SPTBN1: variants seen among roughly 807,000 people sequenced by gnomAD.
SPTBN1 encodes the protein spectrin beta, non-erythrocytic 1.
A neutral mutation model predicts 266.4 loss-of-function variants in SPTBN1; 32 were observed. That is an observed-to-expected ratio of 0.12 (90% CI 0.09 to 0.16). The LOEUF (loss-of-function observed/expected upper bound fraction) is 0.16. Among genes scored for constraint, SPTBN1 ranks in the 10% least tolerant of loss-of-function variants. The pLI is 1.00. For synonymous variants in SPTBN1, 1,336 were observed against 1,162.2 expected (o/e 1.15, Z -3.04); for missense variants, 2,296 against 3,067.1 (o/e 0.75, Z 5.94).
Position 54,554,422 on chromosome 2 carries a change from T to C in SPTBN1, c.148+27856T>C, listed in dbSNP as rs1202500082. Reference sequence around the variant, plus strand: ...CTTGAGAAAATATATGTGGAAGCATTCTGTAAGCTACCAAGTGTGATGGTT... The same window carrying C: ...CTTGAGAAAATATATGTGGAAGCATCCTGTAAGCTACCAAGTGTGATGGTT... On this transcript the variant is annotated intron_variant, in intron 2 of 35. Coordinates refer to ENST00000356805, the MANE Select transcript of SPTBN1 (RefSeq NM_003128.3). The surrounding 1 kb of genome is among the most constrained non-coding windows in gnomAD (Gnocchi z 4.5). Among the ~76,000 whole-genome samples the C allele has an allele frequency of 6.6e-6, 1 of 152,194 alleles. No homozygotes were observed. The highest frequency in any genetic ancestry group is 2.4e-5 in the African/African-American group (1 of 41,438).
intron 2 of SPTBN1, among the ~76,000 whole-genome samples, chr2:54,538,748 T>C (rs2104387467): frequency 6.6e-6 from 1 of 152,296 alleles, no homozygotes; most frequent in African/African-American, 2.4e-5. Context: ...ATTTTGCCAT[T>C]CAGGTTTAAA....
At chr2:54,660,509 C>G (rs1233807357) in intron 32 of SPTBN1, 1 of 986,544 alleles carries the variant, frequency 1.0e-6, no homozygotes, top group African/African-American at 1.7e-5. Flanking sequence ...ACTAGGAAGA[C>G]TGGTGTATGA....
chr2:54,606,053 G>T (rs1676819198), intron 3 of SPTBN1, among the ~76,000 whole-genome samples: 1 of 152,204 alleles, frequency 6.6e-6, no homozygotes, highest in Non-Finnish European at 1.5e-5. Context: ...GAGATTTGTA[G>T]AGAGAGAATA....
chr2:54,603,105 C>T (rs1202013666), intron 3 of SPTBN1, among the ~76,000 whole-genome samples: 3 of 152,104 alleles, frequency 2.0e-5, no homozygotes, highest in Non-Finnish European at 2.9e-5. Flanking sequence ...GCCCCAGAGC[C>T]CTAGAGTTCA....
At chr2:54,661,346 A>G (rs1020020299) in intron 32 of SPTBN1, 4 of 985,734 alleles carry the variant, frequency 4.1e-6, no homozygotes, top group South Asian at 4.7e-5. Flanking sequence ...CTCTTTTGCC[A>G]TATTTAGATG....
At chr2:54,485,336 A>G (rs1453741512) in intron 1 of SPTBN1, among the ~76,000 whole-genome samples, 1 of 147,012 alleles carries the variant, frequency 6.8e-6, no homozygotes, top group East Asian at 2.3e-4. Context: ...AATTGCAGGC[A>G]CGCGCCGCCA....
intron 2 of SPTBN1, among the ~76,000 whole-genome samples, chr2:54,569,179 G>T (rs962531026): frequency 2.6e-5 from 4 of 152,162 alleles, no homozygotes; most frequent in African/African-American, 9.7e-5. Flanking sequence ...AGAAAGGAAC[G>T]GGGTGGGGGA....
Position 54,580,950 on chromosome 2 carries a change from T to C in SPTBN1, c.149-18142T>C, listed in dbSNP as rs540715284. Among the ~76,000 whole-genome samples the C allele has an allele frequency of 1.3e-4, 19 of 151,998 alleles. 1 individual carries two copies. In the South Asian group the frequency reaches 3.9e-3, roughly 32 times the overall value. On this transcript the variant is annotated intron_variant, in intron 2 of 35. Coordinates refer to ENST00000356805, the MANE Select transcript of SPTBN1 (RefSeq NM_003128.3). ...CTGTCTCTACTAAAAATACAAAAAT[T>C]AGCCATGCATAGTGGCACACACGTG...
rs141267502 is a variant in SPTBN1, at chr2:54,645,772, G to A, written c.4495-156G>A. Reference sequence around the variant, plus strand: ...AAAGACTCTCCCTAGCCCTGTCTCGGAGAACAAGGGCGTGCTTCCCCAGAC... The same window carrying A: ...AAAGACTCTCCCTAGCCCTGTCTCGAAGAACAAGGGCGTGCTTCCCCAGAC... On this transcript the variant is annotated intron_variant, in intron 21 of 35. Coordinates refer to ENST00000356805, the MANE Select transcript of SPTBN1 (RefSeq NM_003128.3). The surrounding 1 kb of genome is among the most constrained non-coding windows in gnomAD (Gnocchi z 4.3). 6.5e-3 allele frequency among the ~76,000 whole-genome samples: 985 copies of A among 152,298 alleles called. 2 individuals carry two copies. The highest frequency in any genetic ancestry group is 9.5e-3 in the Non-Finnish European group (645 of 68,016).
chr2:54,487,384 A>G (rs544842175), intron 1 of SPTBN1, among the ~76,000 whole-genome samples: 51 of 127,036 alleles, frequency 4.0e-4, no homozygotes, highest in African/African-American at 1.7e-3. Flanking sequence ...ACTTGTTTGC[A>G]TTTACTATAT....
At chr2:54,612,371 C>T (rs1046475531) in intron 4 of SPTBN1, 37 bp downstream of exon 4, 6 of 1,578,796 alleles carry the variant, frequency 3.8e-6, no homozygotes, top group African/African-American at 1.3e-5. Flanking sequence ...AGAACTTAGG[C>T]CGACCTCTCA....
At chr2:54,666,180 T>C in intron 34 of SPTBN1, 92 bp downstream of exon 34, 1 of 1,335,314 alleles carries the variant, frequency 7.5e-7, no homozygotes. Flanking sequence ...CTGTGATTAG[T>C]TGGTTCTGTC....
intron 7 of SPTBN1, among the ~76,000 whole-genome samples, chr2:54,618,415 G>C (rs1449896917): frequency 6.6e-6 from 1 of 152,160 alleles, no homozygotes; most frequent in Non-Finnish European, 1.5e-5. Flanking sequence ...AGCGTGTGCG[G>C]GCAGAGCTAC....
intron 32 of SPTBN1, chr2:54,662,081 A>C: frequency 1.0e-6 from 1 of 985,424 alleles, no homozygotes; most frequent in South Asian, 4.7e-5. Context: ...CGTTGCATTC[A>C]TGTTCACCTC....
intron 1 of SPTBN1, among the ~76,000 whole-genome samples, chr2:54,505,966 A>C (rs1210457874): frequency 6.6e-6 from 1 of 151,792 alleles, no homozygotes; most frequent in Admixed American, 6.6e-5. Context: ...CTACTAAAAA[A>C]ACAAAAAATT....
At chr2:54,502,906 C>T (rs1347721056) in intron 1 of SPTBN1, among the ~76,000 whole-genome samples, 2 of 152,144 alleles carry the variant, frequency 1.3e-5, no homozygotes, top group South Asian at 2.1e-4. Context: ...TCTGCACGGA[C>T]TCAGAGAGCT....
At position 54,581,801 on chromosome 2, in the gene SPTBN1, T is replaced by G. The variant is rs530938490; in HGVS notation, c.149-17291T>G. 2.0e-5 allele frequency among the ~76,000 whole-genome samples: 3 copies of G among 152,292 alleles called. 1 individual carries two copies. In the East Asian group the frequency reaches 5.8e-4, roughly 29 times the overall value. ...ATCCTAAGCATCTGTCTGTAGGAAC[T>G]GCCTCAAGATAAAAAGAGGAAGCTC... On this transcript the variant is annotated intron_variant, in intron 2 of 35. Coordinates refer to ENST00000356805, the MANE Select transcript of SPTBN1 (RefSeq NM_003128.3).
At chr2:54,642,931 A>G (rs906017419) in intron 18 of SPTBN1, 52 bp from the exon 19 acceptor site, 46 of 1,582,776 alleles carry the variant, frequency 2.9e-5, no homozygotes, top group Non-Finnish European at 3.9e-5. Context: ...CAGGCGGAAA[A>G]AAGGCTGATG....
At chr2:54,470,978 A>G (rs1306037039) in intron 1 of SPTBN1, among the ~76,000 whole-genome samples, 1 of 152,238 alleles carries the variant, frequency 6.6e-6, no homozygotes, top group Non-Finnish European at 1.5e-5. Context: ...CTCATTAGCT[A>G]TCATTAGTGT....
Sources: allele counts gnomAD v4.1 joint callset (sites outside exome capture counted in the v4.1 genomes callset), GRCh38; gene constraint gnomAD v4.1.1; non-coding constraint Gnocchi (gnomAD v3.1); transcripts MANE v1.5; gene names NCBI Gene and HGNC (gene_info 2026-07-23, HGNC 2026-07-21).